The following TMPRSS2 variants were observed in gnomAD, a reference collection of about 807,000 sequenced individuals.
The protein encoded by TMPRSS2 is transmembrane protease serine 2.
A neutral mutation model predicts 67.4 loss-of-function variants in TMPRSS2; 59 were observed. The ratio of observed to expected loss-of-function variants is 0.88; its 90% confidence interval spans 0.71 to 1.09. TMPRSS2 has a LOEUF of 1.09. Among genes scored for constraint, TMPRSS2 ranks in the 50% least tolerant of loss-of-function variants. TMPRSS2 has a pLI of 0.00. For synonymous variants in TMPRSS2, 257 were observed against 257.0 expected (o/e 1.00, Z 0.00); for missense variants, 668 against 642.7 (o/e 1.04, Z -0.43).
chr21:41,504,890 A>G (rs960791012), intron 1 of TMPRSS2, among the ~76,000 whole-genome samples: 2 of 152,008 alleles, frequency 1.3e-5, no homozygotes, highest in African/African-American at 4.8e-5. Flanking sequence ...AGTGCATCCC[A>G]TATTGGAGGA....
chr21:41,464,720 C>T lies in TMPRSS2; in HGVS notation c.*1422G>A. On this transcript the variant is annotated 3_prime_UTR_variant, in exon 14 of 14. Transcript: ENST00000332149. ...CATTACAACACCTTTTAGGATGTGT[C>T]TTGGGGAGCAAGCACCTTACAGTGC... The T allele has an allele frequency of 4.3e-6, 1 of 233,316 alleles. No homozygotes were observed. The highest frequency in any genetic ancestry group is 8.5e-6 in the Non-Finnish European group (1 of 118,054). The allele number at this position is 233,316 out of a possible 1,614,324, so 14.5% of individuals were successfully genotyped here.
intron 7 of TMPRSS2, among the ~76,000 whole-genome samples, chr21:41,477,230 C>A (rs1396163647): frequency 6.6e-6 from 1 of 152,170 alleles, no homozygotes. Flanking sequence ...GTGTGCTCTG[C>A]GGAACCTGAA....
chr21:41,479,360 T>C (rs1380032684), intron 6 of TMPRSS2, 78 bp from the exon 7 acceptor site: 16 of 1,035,958 alleles, frequency 1.5e-5, no homozygotes, highest in Non-Finnish European at 2.3e-5. Context: ...ATAATACCGC[T>C]CATACGACAT....
rs1248965862 is a variant in TMPRSS2 at position 41,498,147 on chromosome 21, A to G, written c.-14T>C. ...GTTCAAAGCCATCTTGCTGTTATCA[A>G]CAGCATCGAGTAATGATAGGTATCT... is the stretch of plus-strand genomic sequence containing the variant. On this transcript the variant is annotated 5_prime_UTR_variant, in exon 2 of 14. Transcript: ENST00000332149. The G allele has an allele frequency of 6.2e-7, 1 of 1,613,264 alleles. No individual in the cohort carries two copies. Among genetic ancestry groups the G allele is most frequent in the East Asian group, 2.2e-5 (1 of 44,872 alleles).
chr21:41,494,475 T>G lies in TMPRSS2; in HGVS notation c.119A>C (p.His40Pro), dbSNP rs1161378864. 1.6e-5 allele frequency: 26 copies of G among 1,613,992 alleles called. No individual in the cohort carries two copies. Among genetic ancestry groups the G allele is most frequent in the African/African-American group, 6.7e-5 (5 of 74,908 alleles). Residue 40 changes from histidine to proline, a missense_variant, in exon 3 of 14, where the codon CAT (histidine) becomes CCT (proline). Transcript: ENST00000332149. ...GGGGGACGGGTAGTACTGAGCCGGA[T>G]GCACCTCGTAGACAGTGGGGACCAC... ...PTVVPTVYEVHPAQYYPSPVP... is the reference protein window; with the variant it reads ...PTVVPTVYEVPPAQYYPSPVP...
intron 1 of TMPRSS2, chr21:41,507,859 G>T: frequency 7.2e-7 from 1 of 1,397,232 alleles, no homozygotes; most frequent in Non-Finnish European, 9.4e-7. Flanking sequence ...TCGGCCGTGC[G>T]CAAGGGGTCC....
rs140715097 is a variant in TMPRSS2, at chr21:41,477,263, C to T, written c.684-643G>A. On this transcript the variant is annotated intron_variant, in intron 7 of 13. Transcript: ENST00000332149. ...GAATTATTTCACTGAGCGTCAATAT[C>T]GGACTAGGCCCCTCCATGCCTGAGA... is the stretch of plus-strand genomic sequence containing the variant. Among the ~76,000 whole-genome samples the T allele has an allele frequency of 3.4e-4, 52 of 152,324 alleles. No individual in the cohort carries two copies. In the East Asian group the frequency reaches 7.3e-3, roughly 21 times the overall value.
At chr21:41,504,647 C>A (rs932610369) in intron 1 of TMPRSS2, among the ~76,000 whole-genome samples, 7 of 152,278 alleles carry the variant, frequency 4.6e-5, no homozygotes, top group Admixed American at 2.6e-4. Context: ...TGTCACAGAT[C>A]CCCCTTTTGC....
At chr21:41,488,267 G>T (rs1436143558) in intron 5 of TMPRSS2, 127 bp downstream of exon 5, 8 of 1,137,512 alleles carry the variant, frequency 7.0e-6, no homozygotes, top group Non-Finnish European at 9.8e-6. Flanking sequence ...CTGGAGCAGG[G>T]ATTCAATGAC....
chr21:41,473,765 A>G (rs559830930), intron 8 of TMPRSS2, among the ~76,000 whole-genome samples: 10 of 151,048 alleles, frequency 6.6e-5, no homozygotes, highest in Admixed American at 5.9e-4. Flanking sequence ...GTTCTGGATA[A>G]CAAGGCCCTG....
At chr21:41,471,679 C>A (rs2091134559) in intron 10 of TMPRSS2, 127 bp downstream of exon 10, 2 of 1,124,640 alleles carry the variant, frequency 1.8e-6, no homozygotes, top group Admixed American at 2.6e-5. Flanking sequence ...CCATTGGCCA[C>A]CCGCTGCACG....
intron 2 of TMPRSS2, 73 bp from the exon 3 acceptor site, chr21:41,494,651 A>T: frequency 7.7e-7 from 1 of 1,294,132 alleles, no homozygotes; most frequent in Non-Finnish European, 1.1e-6. Flanking sequence ...AAACTATCAC[A>T]TCATACCACA....
At chr21:41,506,751 C>T (rs1343100400) in intron 1 of TMPRSS2, 1 of 152,344 alleles carries the variant, frequency 6.6e-6, no homozygotes, top group East Asian at 1.9e-4. Flanking sequence ...GACAGGTCAA[C>T]AAACTTAGTC....
chr21:41,487,680 T>C (rs1166056806), intron 5 of TMPRSS2: 2 of 152,190 alleles, frequency 1.3e-5, no homozygotes, highest in African/African-American at 4.8e-5. Context: ...TTAAAATGAA[T>C]AAATAGATAA....
chr21:41,497,585 G>A (rs2091393014), intron 2 of TMPRSS2, among the ~76,000 whole-genome samples: 1 of 152,240 alleles, frequency 6.6e-6, no homozygotes, highest in South Asian at 2.1e-4. Flanking sequence ...AATCTAGGAA[G>A]TGTTTAAAAC....
At chr21:41,494,226 C>T in intron 3 of TMPRSS2, 130 bp downstream of exon 3, 2 of 990,076 alleles carry the variant, frequency 2.0e-6, no homozygotes, top group Non-Finnish European at 3.0e-6. Context: ...CAGGCTGGCT[C>T]CGGAAGACGG....
At chr21:41,483,837 T>G (rs2091276225) in intron 5 of TMPRSS2, among the ~76,000 whole-genome samples, 1 of 151,002 alleles carries the variant, frequency 6.6e-6, no homozygotes, top group Non-Finnish European at 1.5e-5. Context: ...CAAATAAAAA[T>G]TTTACATGTA....
chr21:41,480,399 C>T (rs950437284), intron 6 of TMPRSS2, 77 bp downstream of exon 6: 65 of 1,575,796 alleles, frequency 4.1e-5, no homozygotes, highest in Non-Finnish European at 5.3e-5. Context: ...GGTGCTTTCA[C>T]AGGGAGGCAG....
intron 8 of TMPRSS2, 123 bp from the exon 9 acceptor site, chr21:41,473,619 G>C: frequency 8.8e-7 from 1 of 1,139,072 alleles, no homozygotes; most frequent in South Asian, 1.5e-5. Context: ...CACTGCTGGG[G>C]ATGGACTTAG....
Sources: allele counts gnomAD v4.1 joint callset (sites outside exome capture counted in the v4.1 genomes callset), GRCh38; gene constraint gnomAD v4.1.1; transcripts MANE v1.5; gene names NCBI Gene and HGNC (gene_info 2026-07-23, HGNC 2026-07-21).